MACROD2: variants seen among roughly 807,000 people sequenced by gnomAD.
MACROD2 encodes the protein mono-ADP ribosylhydrolase 2, also known as ADP-ribose glycohydrolase MACROD2.
A neutral mutation model predicts 70.4 loss-of-function variants in MACROD2; 36 were observed. The ratio of observed to expected loss-of-function variants is 0.51; its 90% CI spans 0.39 to 0.68. The LOEUF is 0.68. MACROD2 is among the 30% of genes least tolerant of loss of function. MACROD2 has a pLI of 0.00. For synonymous variants in MACROD2, 172 were observed against 178.8 expected, an observed-to-expected ratio of 0.96 and a Z score of 0.30; for missense variants, 496 against 538.4, an observed-to-expected ratio of 0.92 and a Z score of 0.78.
chr20:15,736,209 A>G (rs2051017903), intron 8 of MACROD2, among the ~76,000 whole-genome samples: 1 of 152,172 alleles, frequency 6.6e-6, no homozygotes, highest in African/African-American at 2.4e-5. Context: ...TCTCTACATC[A>G]CAAGTTTAGA....
intron 8 of MACROD2, among the ~76,000 whole-genome samples, chr20:15,625,492 A>C (rs2049188618): frequency 6.6e-6 from 1 of 152,236 alleles, no homozygotes; most frequent in Non-Finnish European, 1.5e-5. Context: ...TTATCTTGAA[A>C]AATAAAAAAG....
Position 14,371,929 on chromosome 20 carries a change from C to T in MACROD2, c.272-121550C>T, listed in dbSNP as rs561192412. Among the ~76,000 whole-genome samples, 99 of 152,054 alleles carry T rather than the reference C, an allele frequency of 6.5e-4. 1 individual carries two copies. The South Asian group carries it at 0.02, about 30-fold the overall frequency. ...TCTGACCTCCCTTACCACATTAGCT[C>T]CCCCCAACCCCTCTGTATGTTCTCA... On this transcript the variant is annotated intron_variant, in intron 3 of 17. Transcript: ENST00000684519.
intron 8 of MACROD2, among the ~76,000 whole-genome samples, chr20:15,584,123 A>T (rs2048564187): frequency 6.6e-6 from 1 of 152,254 alleles, no homozygotes; most frequent in Non-Finnish European, 1.5e-5. Context: ...TATTCCTCTA[A>T]GTGTCCCCTG....
intron 6 of MACROD2, among the ~76,000 whole-genome samples, chr20:15,378,369 A>G (rs34554545): frequency 0.078 from 11,862 of 151,484 alleles, 535 homozygotes; most frequent in East Asian, 0.17. Context: ...TCCAGGCATG[A>G]GGAGATGATA....
chr20:15,272,395 A>ATT (rs1368943140), intron 6 of MACROD2, among the ~76,000 whole-genome samples: 1 of 152,214 alleles, frequency 6.6e-6, no homozygotes, highest in East Asian at 1.9e-4. Flanking sequence ...TTAGAATTGT[A>ATT]TTTTGTAAGA....
At chr20:15,808,866 C>T (rs1311724043) in intron 8 of MACROD2, among the ~76,000 whole-genome samples, 2 of 152,122 alleles carry the variant, frequency 1.3e-5, no homozygotes, top group Non-Finnish European at 2.9e-5. Context: ...AGAACAGAGT[C>T]GTTGAACAAA....
chr20:14,096,775 C>G (rs1290043169), intron 3 of MACROD2, among the ~76,000 whole-genome samples: 3 of 152,186 alleles, frequency 2.0e-5, no homozygotes, highest in African/African-American at 7.2e-5. Flanking sequence ...CTTAACATTG[C>G]ATGTCCTAAA....
intron 3 of MACROD2, among the ~76,000 whole-genome samples, chr20:14,269,642 A>G (rs752125962): frequency 8.5e-5 from 13 of 152,158 alleles, no homozygotes; most frequent in Non-Finnish European, 1.6e-4. Context: ...TTTTCATACA[A>G]TTTCTTTGGA....
At chr20:14,587,046 A>G (rs1029942758) in intron 4 of MACROD2, among the ~76,000 whole-genome samples, 1 of 151,836 alleles carries the variant, frequency 6.6e-6, no homozygotes, top group African/African-American at 2.4e-5. Flanking sequence ...ATTTTTTATA[A>G]TATCAGGTTT....
At chr20:14,214,065 A>G (rs1026635610) in intron 3 of MACROD2, among the ~76,000 whole-genome samples, 9 of 152,200 alleles carry the variant, frequency 5.9e-5, no homozygotes, top group African/African-American at 2.2e-4. Flanking sequence ...AGGTATACAT[A>G]TATTATTTAA....
rs115827960 is a variant in MACROD2 at position 15,922,586 on chromosome 20, T to G, written c.776-10690T>G. Among the ~76,000 whole-genome samples the G allele has an allele frequency of 3.2e-3, 485 of 152,308 alleles. 5 individuals are homozygous for G. Among genetic ancestry groups the G allele is most frequent in the African/African-American group, 0.011 (455 of 41,570 alleles). On this transcript the variant is annotated intron_variant, in intron 10 of 17. Coordinates refer to ENST00000684519, the MANE Select transcript of MACROD2 (RefSeq NM_001351661.2). ...TTAAAGGACAGAGTCTGGGAGAGAC[T>G]GAGACCTCAAAAAATACTCAGTGAC... is the stretch of plus-strand genomic sequence containing the variant.
At chr20:14,307,202 A>T (rs1156624734) in intron 3 of MACROD2, among the ~76,000 whole-genome samples, 1 of 152,164 alleles carries the variant, frequency 6.6e-6, no homozygotes, top group Non-Finnish European at 1.5e-5. Flanking sequence ...TTAATTTAAT[A>T]AAGTTGACAT....
At chr20:15,930,541 C>A (rs1466321748) in intron 10 of MACROD2, among the ~76,000 whole-genome samples, 2 of 152,142 alleles carry the variant, frequency 1.3e-5, no homozygotes, top group African/African-American at 4.8e-5. Flanking sequence ...TATACCTGGA[C>A]CGTTTTATCT....
chr20:15,602,628 A>G (rs940430523), intron 8 of MACROD2, among the ~76,000 whole-genome samples: 5 of 152,180 alleles, frequency 3.3e-5, no homozygotes, highest in African/African-American at 9.6e-5. Context: ...TTTCCCTCCA[A>G]AAACATCATA....
At chr20:14,032,818 G>C (rs2053261301) in intron 2 of MACROD2, among the ~76,000 whole-genome samples, 1 of 152,102 alleles carries the variant, frequency 6.6e-6, no homozygotes, top group African/African-American at 2.4e-5. Context: ...GGTAAAGTGG[G>C]ATTAGTGGTG....
At chr20:15,178,363 C>G (rs2076476999) in intron 5 of MACROD2, among the ~76,000 whole-genome samples, 1 of 152,192 alleles carries the variant, frequency 6.6e-6, no homozygotes, top group Admixed American at 6.5e-5. Flanking sequence ...TATGGGCATC[C>G]TTCTTCAAAC....
chr20:15,820,874 TTA>T (rs1214627252), intron 8 of MACROD2, among the ~76,000 whole-genome samples: 24 of 152,176 alleles, frequency 1.6e-4, no homozygotes, highest in African/African-American at 5.8e-4. Flanking sequence ...TCTCTCAGTT[TTA>T]GACTTCAGAG....
At chr20:14,821,267 G>A (rs572972080) in intron 5 of MACROD2, among the ~76,000 whole-genome samples, 1 of 152,042 alleles carries the variant, frequency 6.6e-6, no homozygotes, top group East Asian at 1.9e-4. Flanking sequence ...TGGCAGTCAG[G>A]AATTAGCTTG....
At chr20:14,748,683 A>G (rs2071830971) in intron 5 of MACROD2, among the ~76,000 whole-genome samples, 1 of 152,110 alleles carries the variant, frequency 6.6e-6, no homozygotes, top group Non-Finnish European at 1.5e-5. Context: ...TTCTATGTCA[A>G]AATTGTATTA....
Sources: gnomAD v4.1 joint callset for allele counts (sites outside exome capture counted in the v4.1 genomes callset) on GRCh38, gnomAD v4.1.1 for gene constraint, MANE v1.5 for transcripts, NCBI Gene and HGNC (gene_info 2026-07-23, HGNC 2026-07-21) for gene names.